XKR9: variants seen among roughly 807,000 people sequenced by gnomAD.
The protein encoded by XKR9 is XK-related protein 9.
In XKR9, 32 loss-of-function variants were observed where a neutral mutation model predicts 32.0. The observed-to-expected ratio is 1.00, with a 90% CI of 0.76 to 1.34. The LOEUF (loss-of-function observed/expected upper bound fraction) is 1.34, where lower values mean the gene tolerates loss of function less well. Ranked by LOEUF, XKR9 falls within the 40% of genes most tolerant of loss-of-function variation. The pLI is 0.00. For synonymous variants in XKR9, 168 were observed against 143.4 expected, an observed-to-expected ratio of 1.17 and a Z score of -1.22; for missense variants, 546 against 429.7, an observed-to-expected ratio of 1.27 and a Z score of -2.39.
chr8:70,820,566 T>G, the XKR9 span, among the ~76,000 whole-genome samples: 1 of 152,218 alleles, frequency 6.6e-6, no homozygotes, highest in East Asian at 1.9e-4. Flanking sequence ...CTATAAAGAC[T>G]GCTTGAGGCT....
intron 3 of XKR9, among the ~76,000 whole-genome samples, chr8:70,688,485 C>G (rs183917823): frequency 6.6e-6 from 1 of 151,808 alleles, no homozygotes; most frequent in East Asian, 1.9e-4. Flanking sequence ...GGTGCGATCT[C>G]AGGTCACTGC....
intron 4 of XKR9, among the ~76,000 whole-genome samples, chr8:70,720,342 A>T (rs1034369861): frequency 9.9e-5 from 15 of 152,164 alleles, no homozygotes; most frequent in Non-Finnish European, 1.6e-4. Context: ...TATGTTGAAT[A>T]GGAGTGGTGA....
intron 2 of XKR9, among the ~76,000 whole-genome samples, chr8:70,676,543 G>A (rs572994431): frequency 8.5e-5 from 13 of 152,154 alleles, no homozygotes; most frequent in African/African-American, 2.7e-4. Context: ...CAGATCCGCC[G>A]TATGTATTAG....
chr8:70,749,760 C>T (rs1222579935), intron 2 of XKR9, among the ~76,000 whole-genome samples: 1 of 152,216 alleles, frequency 6.6e-6, no homozygotes, highest in Non-Finnish European at 1.5e-5. Context: ...AGAGGCATGG[C>T]TGGCCACAGA....
the XKR9 span, among the ~76,000 whole-genome samples, chr8:70,861,674 GT>G: frequency 6.6e-6 from 1 of 151,838 alleles, no homozygotes; most frequent in Non-Finnish European, 1.5e-5. Flanking sequence ...TAAAAACAAA[GT>G]AAAATAAAGC....
intron 2 of XKR9, among the ~76,000 whole-genome samples, chr8:70,747,602 C>T (rs1358076991): frequency 6.6e-6 from 1 of 152,128 alleles, no homozygotes; most frequent in African/African-American, 2.4e-5. Flanking sequence ...GACTTCCCAG[C>T]CTCCTGAACT....
intron 2 of XKR9, among the ~76,000 whole-genome samples, chr8:70,750,408 T>C (rs1243371921): frequency 6.6e-6 from 1 of 152,172 alleles, no homozygotes; most frequent in Non-Finnish European, 1.5e-5. Context: ...AGCATGTGCT[T>C]TGGAGGGCTG....
chr8:70,822,156 T>A, the XKR9 span, among the ~76,000 whole-genome samples: 1 of 152,286 alleles, frequency 6.6e-6, no homozygotes, highest in African/African-American at 2.4e-5. Context: ...ATTACTCAAT[T>A]GTAAAGGAAA....
rs776587850 is a variant in XKR9 at position 70,681,206 on chromosome 8, T to C, written c.148T>C (p.Phe50Leu). 4.3e-6 allele frequency: 7 copies of C among 1,613,488 alleles called. No homozygotes were observed. The Admixed American group carries it at 5.0e-5, about 12-fold the overall frequency. The change falls in exon 3 of 5, where the codon TTT becomes CTT. Residue 50 changes from phenylalanine to leucine, a missense_variant. Coordinates refer to ENST00000408926, the MANE Select transcript of XKR9 (RefSeq NM_001011720.2). Reference protein sequence around the residue: ...FSALALSFMLFGTLVAQCFSY... With the variant: ...FSALALSFMLLGTLVAQCFSY... ...TGCTTTAGCGTTAAGCTTTATGCTT[T>C]TTGGAACACTTGTGGCTCAGTGTTT...
At chr8:70,794,386 A>G (rs542180216), downstream of XKR9, among the ~76,000 whole-genome samples, 2 of 152,052 alleles carry the variant, frequency 1.3e-5, no homozygotes, top group African/African-American at 2.4e-5. Flanking sequence ...TTCCAGTACA[A>G]TGTTGACTAG....
the XKR9 span, among the ~76,000 whole-genome samples, chr8:70,928,157 T>C: frequency 1.3e-5 from 2 of 152,146 alleles, no homozygotes; most frequent in East Asian, 3.9e-4. Flanking sequence ...ATCCTCCTGC[T>C]GTAGCCTCCC....
the XKR9 span, among the ~76,000 whole-genome samples, chr8:70,895,938 G>C: frequency 1.3e-5 from 2 of 152,108 alleles, no homozygotes; most frequent in Non-Finnish European, 2.9e-5. Flanking sequence ...AGCCCAGGAA[G>C]TCGAGGCTGC....
At chr8:70,840,448 A>C in the XKR9 span, among the ~76,000 whole-genome samples, 2 of 152,158 alleles carry the variant, frequency 1.3e-5, no homozygotes, top group Admixed American at 1.3e-4. Context: ...AAACTGGTTT[A>C]AATAGTGATT....
At chr8:70,683,536 G>A in intron 3 of XKR9, 1 of 448,026 alleles carries the variant, frequency 2.2e-6, no homozygotes, top group Non-Finnish European at 4.5e-6. Context: ...CACCCAGGCT[G>A]GCCTGCAGTG....
At position 70,680,975 on chromosome 8, in the gene XKR9, A is replaced by C. The variant is rs1363236687; in HGVS notation, c.-84A>C. ...AAATTAAAATTCAATGCTATACCAA[A>C]GGGTATACTAATATTTGTTTGGCTT... On this transcript the variant is annotated 5_prime_UTR_variant, in exon 3 of 5. Transcript: ENST00000408926. The C allele has an allele frequency of 3.1e-6, 4 of 1,289,050 alleles. No homozygotes were observed. The highest frequency in any genetic ancestry group is 4.3e-6 in the Non-Finnish European group (4 of 934,314). The allele number at this position is 1,289,050 out of a possible 1,614,324, so 79.9% of individuals were successfully genotyped here.
At chr8:71,014,727 A>G in the XKR9 span, among the ~76,000 whole-genome samples, 3 of 152,226 alleles carry the variant, frequency 2.0e-5, no homozygotes, top group Non-Finnish European at 2.9e-5. Context: ...GTAAAATGAT[A>G]TTCTCTACAT....
chr8:70,781,692 T>C (rs1307006279), intron 2 of XKR9, among the ~76,000 whole-genome samples: 2 of 152,158 alleles, frequency 1.3e-5, no homozygotes, highest in Admixed American at 1.3e-4. Flanking sequence ...TAATTACTGA[T>C]GTTGAGCATT....
chr8:70,892,867 G>A, the XKR9 span, among the ~76,000 whole-genome samples: 1 of 152,114 alleles, frequency 6.6e-6, no homozygotes, highest in Non-Finnish European at 1.5e-5. Flanking sequence ...CTTGGATCTG[G>A]ATGCCCATAT....
chr8:70,944,142 CA>C, the XKR9 span, among the ~76,000 whole-genome samples: 6 of 149,458 alleles, frequency 4.0e-5, no homozygotes, highest in Middle Eastern at 3.4e-3. Context: ...TTCCCCCCGC[CA>C]AAAAAAAAAT....
Sources: gnomAD v4.1 joint callset for allele counts (sites outside exome capture counted in the v4.1 genomes callset) on GRCh38, gnomAD v4.1.1 for gene constraint, MANE v1.5 for transcripts, NCBI Gene and HGNC (gene_info 2026-07-23, HGNC 2026-07-21) for gene names.